Variants in KIF26B observed in about 807,000 individuals in gnomAD.
KIF26B encodes the protein kinesin family member 26B.
Under a neutral mutation model 151.2 loss-of-function variants are expected in KIF26B, and 63 were observed. The observed-to-expected ratio is 0.42, with a 90% CI of 0.34 to 0.51. The LOEUF is 0.51. Ranked by LOEUF, KIF26B falls within the 20% of genes least tolerant of loss-of-function variation. The pLI, the probability that KIF26B is intolerant of heterozygous loss-of-function variation, is 0.07. For synonymous variants in KIF26B, 1,357 were observed against 1,262.1 expected (o/e 1.08, Z -1.59); for missense variants, 2,813 against 2,913.6 (o/e 0.97, Z 0.79).
intron 5 of KIF26B, among the ~76,000 whole-genome samples, chr1:245,545,278 T>A (rs1443117709): frequency 1.3e-5 from 2 of 152,138 alleles, no homozygotes; most frequent in African/African-American, 2.4e-5. Context: ...ATTTTTGTAT[T>A]TTTAGTAGAG....
chr1:245,463,352 G>A (rs2103058833), intron 4 of KIF26B, among the ~76,000 whole-genome samples: 1 of 152,314 alleles, frequency 6.6e-6, no homozygotes, highest in Middle Eastern at 3.4e-3. Context: ...GCAGAACCAG[G>A]ATTCATGCAA....
chr1:245,188,497 T>C (rs1287986457), intron 2 of KIF26B, among the ~76,000 whole-genome samples: 1 of 152,104 alleles, frequency 6.6e-6, no homozygotes. Context: ...CATTTCAACT[T>C]TCCCTCTGTG....
chr1:245,383,410 TC>T (rs1203618108), intron 3 of KIF26B, among the ~76,000 whole-genome samples: 1 of 152,310 alleles, frequency 6.6e-6, no homozygotes, highest in African/African-American at 2.4e-5. Flanking sequence ...GGGTCCACTC[TC>T]CAGCTTAGAG....
At chr1:245,387,891 C>T (rs1673591406) in intron 3 of KIF26B, among the ~76,000 whole-genome samples, 1 of 152,192 alleles carries the variant, frequency 6.6e-6, no homozygotes, top group Non-Finnish European at 1.5e-5. Context: ...CCACTTCCCC[C>T]AACCTCTGGT....
intron 3 of KIF26B, among the ~76,000 whole-genome samples, chr1:245,403,882 G>A (rs1040121542): frequency 9.9e-5 from 15 of 152,166 alleles, no homozygotes; most frequent in East Asian, 3.8e-4. Context: ...ATAATAGATA[G>A]CTTGTTGTCC....
At chr1:245,184,044 G>GTTTTTTTTTTTTTTTT in intron 2 of KIF26B, among the ~76,000 whole-genome samples, 2 of 3,456 alleles carry the variant, frequency 5.8e-4, no homozygotes, top group Admixed American at 3.7e-3. Flanking sequence ...ATGGGTGGGA[G>GTTTTTTTTTTTTTTTT]TTGTTGTTTT....
intron 9 of KIF26B, among the ~76,000 whole-genome samples, chr1:245,626,983 G>A (rs930464429): frequency 6.6e-6 from 1 of 152,102 alleles, no homozygotes; most frequent in Admixed American, 6.5e-5. Flanking sequence ...ATTTATTAAA[G>A]GGGATGTCCT....
intron 2 of KIF26B, among the ~76,000 whole-genome samples, chr1:245,298,847 G>A (rs576862301): frequency 1.3e-5 from 2 of 152,302 alleles, no homozygotes; most frequent in East Asian, 1.9e-4. Flanking sequence ...CCCATGATCC[G>A]CGAGCTGTTT....
intron 7 of KIF26B, among the ~76,000 whole-genome samples, chr1:245,608,364 C>T (rs901959575): frequency 1.3e-5 from 2 of 152,188 alleles, no homozygotes; most frequent in African/African-American, 4.8e-5. Context: ...TGAGGAGCTT[C>T]AAAAACTGTC....
rs1296757451 is a variant in KIF26B at position 245,702,583 on chromosome 1, G to GACATC, written c.6307_6311dup (p.Arg2106ProfsTer7). ...CCATCTCATGATGATCACCTGCTTC[G>GACATC]ACATCACCTCCAGGCGCCGGTAGAT... On this transcript the variant is annotated frameshift_variant, in exon 15 of 15. Transcript: ENST00000407071. LOFTEE classifies it high-confidence loss of function. This position sits in a 1 kb window ranked among gnomAD's most constrained non-coding sequence, Gnocchi z 4.1. 1 of 1,613,750 alleles carries GACATC rather than the reference G, an allele frequency of 6.2e-7. No individual in the cohort carries two copies. The highest frequency in any genetic ancestry group is 2.2e-5 in the East Asian group (1 of 44,888).
At chr1:245,460,011 G>A (rs1014114088) in intron 4 of KIF26B, among the ~76,000 whole-genome samples, 31 of 151,840 alleles carry the variant, frequency 2.0e-4, no homozygotes, top group African/African-American at 6.8e-4. Context: ...AGACAGTCTC[G>A]CTCTATCATC....
chr1:245,566,002 CAACCA>C (rs2043005787), intron 5 of KIF26B, among the ~76,000 whole-genome samples: 1 of 152,174 alleles, frequency 6.6e-6, no homozygotes, highest in South Asian at 2.1e-4. Context: ...CTCTTTAAAA[CAACCA>C]TTTCTCACAT....
chr1:245,325,827 G>T (rs1475162420), intron 2 of KIF26B, among the ~76,000 whole-genome samples: 1 of 152,196 alleles, frequency 6.6e-6, no homozygotes, highest in African/African-American at 2.4e-5. Context: ...GGTAGAGCGT[G>T]TGTGGCGGAG....
At chr1:245,650,203 G>T (rs1280429868) in intron 10 of KIF26B, among the ~76,000 whole-genome samples, 4 of 152,226 alleles carry the variant, frequency 2.6e-5, no homozygotes, top group African/African-American at 7.2e-5. Context: ...CACCTCCAGG[G>T]AACCCTGCCC....
chr1:245,298,249 A>T (rs1671370915), intron 2 of KIF26B, among the ~76,000 whole-genome samples: 1 of 152,208 alleles, frequency 6.6e-6, no homozygotes, highest in Non-Finnish European at 1.5e-5. Context: ...CATACTATAC[A>T]AATATTAGTT....
chr1:245,401,451 T>G (rs769689210), intron 3 of KIF26B, among the ~76,000 whole-genome samples: 3 of 152,252 alleles, frequency 2.0e-5, no homozygotes, highest in Non-Finnish European at 2.9e-5. Flanking sequence ...CCCATGTAAC[T>G]GCACACGTAA....
intron 3 of KIF26B, among the ~76,000 whole-genome samples, chr1:245,419,046 T>C (rs1174991813): frequency 6.6e-6 from 1 of 152,226 alleles, no homozygotes; most frequent in African/African-American, 2.4e-5. Flanking sequence ...TTATTTTTAT[T>C]AGTTTCTCTA....
At chr1:245,297,257 C>T (rs1429382026) in intron 2 of KIF26B, among the ~76,000 whole-genome samples, 34 of 152,142 alleles carry the variant, frequency 2.2e-4, no homozygotes, top group Admixed American at 2.0e-3. Context: ...GCAGGAGAAT[C>T]GCTCAAACTC....
At chr1:245,307,792 G>C (rs1452339615) in intron 2 of KIF26B, among the ~76,000 whole-genome samples, 1 of 148,952 alleles carries the variant, frequency 6.7e-6, no homozygotes, top group Non-Finnish European at 1.5e-5. Flanking sequence ...CCAGGCTGGA[G>C]TGCGGTGGCG....
Sources: allele counts gnomAD v4.1 joint callset (sites outside exome capture counted in the v4.1 genomes callset), GRCh38; gene constraint gnomAD v4.1.1; non-coding constraint Gnocchi (gnomAD v3.1); transcripts MANE v1.5; gene names NCBI Gene and HGNC (gene_info 2026-07-23, HGNC 2026-07-21).